Variants in SERGEF observed in about 807,000 individuals in gnomAD.
SERGEF encodes the protein secretion-regulating guanine nucleotide exchange factor.
SERGEF carries 51 observed loss-of-function variants against 50.0 expected under a neutral mutation model. That is an observed-to-expected ratio of 1.02 (90% CI 0.81 to 1.29). SERGEF has a LOEUF of 1.29. Ranked by LOEUF, SERGEF falls within the 50% of genes most tolerant of loss-of-function variation. SERGEF has a pLI of 0.00. For synonymous variants in SERGEF, 205 were observed against 212.4 expected, an observed-to-expected ratio of 0.97 and a Z score of 0.30; for missense variants, 521 against 557.0, an observed-to-expected ratio of 0.94 and a Z score of 0.65.
At chr11:17,929,489 A>G (rs994427000) in intron 9 of SERGEF, among the ~76,000 whole-genome samples, 1 of 152,324 alleles carries the variant, frequency 6.6e-6, no homozygotes, top group African/African-American at 2.4e-5. Context: ...TGGAGGAAAA[A>G]GCTGTTTGGA....
intron 10 of SERGEF, among the ~76,000 whole-genome samples, chr11:17,847,083 T>C (rs75906089): frequency 1.5e-3 from 222 of 152,322 alleles, no homozygotes; most frequent in African/African-American, 5.1e-3. Context: ...AGGCTGTTCC[T>C]TTATCAGGCA....
At chr11:18,006,878 T>TA in intron 2 of SERGEF, 132 bp from the exon 3 acceptor site, 1 of 953,338 alleles carries the variant, frequency 1.0e-6, no homozygotes, top group Non-Finnish European at 1.6e-6. Context: ...TAATAAGCTG[T>TA]GTATGTTCAT....
chr11:17,929,984 T>C (rs1852322771), intron 9 of SERGEF, among the ~76,000 whole-genome samples: 1 of 152,182 alleles, frequency 6.6e-6, no homozygotes, highest in Non-Finnish European at 1.5e-5. Flanking sequence ...TCGATACATA[T>C]TCACTGAACA....
chr11:17,959,751 C>T (rs1218890720), intron 8 of SERGEF, 115 bp from the exon 9 acceptor site: 5 of 840,164 alleles, frequency 6.0e-6, no homozygotes, highest in Non-Finnish European at 9.1e-6. Flanking sequence ...TACCAGGAGC[C>T]TTCCTATCTT....
At chr11:17,861,769 T>C (rs1850930761) in intron 10 of SERGEF, among the ~76,000 whole-genome samples, 1 of 152,224 alleles carries the variant, frequency 6.6e-6, no homozygotes, top group South Asian at 2.1e-4. Flanking sequence ...AGAATCTGGA[T>C]AAAGGAGTCT....
chr11:17,833,353 G>A (rs546235311), intron 10 of SERGEF, among the ~76,000 whole-genome samples: 7 of 152,166 alleles, frequency 4.6e-5, no homozygotes, highest in South Asian at 2.1e-4. Context: ...GGGAACCTTC[G>A]TCTAGATTTC....
At chr11:17,803,158 G>C (rs1303288941) in intron 10 of SERGEF, among the ~76,000 whole-genome samples, 2 of 152,258 alleles carry the variant, frequency 1.3e-5, no homozygotes, top group Non-Finnish European at 2.9e-5. Flanking sequence ...ACATGTGGCA[G>C]GGCAGTCAGG....
At position 17,884,082 on chromosome 11, in the gene SERGEF, G is replaced by C. The variant is rs151248964; in HGVS notation, c.1012-5838C>G. On this transcript the variant is annotated intron_variant, in intron 9 of 10. Transcript: ENST00000265965. This position sits in a 1 kb window ranked among gnomAD's most constrained non-coding sequence, Gnocchi z 4.6. The stretch of plus-strand genomic sequence containing the variant: ...CCAGGGGCCGCTTTCCTCTACCAGA[G>C]AGGGGTAGCCAGCCGCAGCCCAAAG... Among the ~76,000 whole-genome samples the C allele has an allele frequency of 6.6e-6, 1 of 152,168 alleles. No individual in the cohort carries two copies. Among genetic ancestry groups the C allele is most frequent in the Admixed American group, 6.5e-5 (1 of 15,286 alleles).
intron 10 of SERGEF, among the ~76,000 whole-genome samples, chr11:17,840,725 A>C (rs1850485894): frequency 6.6e-6 from 1 of 152,164 alleles, no homozygotes; most frequent in East Asian, 1.9e-4. Flanking sequence ...CCTGAACTCA[A>C]GGACAGGTTC....
At chr11:17,971,788 G>A (rs1330736448) in intron 8 of SERGEF, among the ~76,000 whole-genome samples, 2 of 152,218 alleles carry the variant, frequency 1.3e-5, no homozygotes, top group African/African-American at 4.8e-5. Flanking sequence ...AGCTGCCATA[G>A]ATAGTGATTC....
chr11:17,792,102 C>A (rs1849492295), intron 10 of SERGEF, among the ~76,000 whole-genome samples: 1 of 152,242 alleles, frequency 6.6e-6, no homozygotes, highest in Non-Finnish European at 1.5e-5. Flanking sequence ...GCAGACCACT[C>A]TATCAAGAGG....
intron 10 of SERGEF, among the ~76,000 whole-genome samples, chr11:17,866,168 CCTT>C (rs1158133001): frequency 2.0e-5 from 3 of 152,244 alleles, no homozygotes; most frequent in Non-Finnish European, 4.4e-5. Flanking sequence ...GGCACCATCT[CCTT>C]CTGAATAGCA....
At chr11:17,950,915 A>G (rs1035488583) in intron 9 of SERGEF, among the ~76,000 whole-genome samples, 1 of 152,206 alleles carries the variant, frequency 6.6e-6, no homozygotes, top group Non-Finnish European at 1.5e-5. Flanking sequence ...ATATGAGGTC[A>G]CTAGGACTTT....
intron 9 of SERGEF, among the ~76,000 whole-genome samples, chr11:17,915,025 G>A (rs574438278): frequency 3.4e-4 from 52 of 152,286 alleles, no homozygotes; most frequent in African/African-American, 9.6e-4. Context: ...GCAATCTTAC[G>A]TCCCTTTTAG....
intron 9 of SERGEF, among the ~76,000 whole-genome samples, chr11:17,945,309 T>G (rs1407316531): frequency 6.6e-6 from 1 of 152,202 alleles, no homozygotes; most frequent in African/African-American, 2.4e-5. Context: ...AAAAATCAAA[T>G]GGAAATTAGA....
At position 17,884,425 on chromosome 11, in the gene SERGEF, C is replaced by T. The variant is rs1183824506; in HGVS notation, c.1012-6181G>A. 6.6e-6 allele frequency among the ~76,000 whole-genome samples: 1 copy of T among 151,838 alleles called. No homozygotes were observed. The highest frequency in any genetic ancestry group is 1.5e-5 in the Non-Finnish European group (1 of 67,960). On this transcript the variant is annotated intron_variant, in intron 9 of 10. Transcript: ENST00000265965. This position sits in a 1 kb window ranked among gnomAD's most constrained non-coding sequence, Gnocchi z 4.6. ...GGCGAGGGAATGGGCGTCTCGGTGC[C>T]GCCTTTGCTAGAGCTCTGCCCAAAC...
chr11:17,788,820 T>A (rs1849431638), intron 10 of SERGEF, among the ~76,000 whole-genome samples: 1 of 152,244 alleles, frequency 6.6e-6, no homozygotes, highest in African/African-American at 2.4e-5. Context: ...ACCTGGGCCA[T>A]GCCAATAGCC....
At chr11:17,946,559 T>C (rs1852666424) in intron 9 of SERGEF, among the ~76,000 whole-genome samples, 1 of 152,170 alleles carries the variant, frequency 6.6e-6, no homozygotes. Flanking sequence ...GGGGAAATTA[T>C]GCAGCTTTAC....
intron 9 of SERGEF, among the ~76,000 whole-genome samples, chr11:17,896,660 A>G: frequency 1.8e-5 from 1 of 54,610 alleles, no homozygotes; most frequent in Non-Finnish European, 3.7e-5. Flanking sequence ...AGGGGAAGGG[A>G]AGGGTAACGG....
Sources: gnomAD v4.1 joint callset for allele counts (sites outside exome capture counted in the v4.1 genomes callset) on GRCh38, gnomAD v4.1.1 for gene constraint, Gnocchi (gnomAD v3.1) non-coding constraint, MANE v1.5 for transcripts, NCBI Gene and HGNC (gene_info 2026-07-23, HGNC 2026-07-21) for gene names.